B4GALT4: variants seen among roughly 807,000 people sequenced by gnomAD.
B4GALT4 encodes beta-1,4-galactosyltransferase 4.
B4GALT4 carries 27 observed loss-of-function variants against 37.3 expected under a neutral mutation model. The ratio of observed to expected loss-of-function variants is 0.72; its 90% CI spans 0.53 to 1.00. The LOEUF is 1.00. Ranked by LOEUF, B4GALT4 falls within the 50% of genes least tolerant of loss-of-function variation. B4GALT4 has a pLI of 0.00. For synonymous variants in B4GALT4, 148 were observed against 154.1 expected (o/e 0.96, Z 0.29); for missense variants, 372 against 413.1 (o/e 0.90, Z 0.86).
chr3:119,216,440 G>A (rs6798083), intron 6 of B4GALT4, 96 bp from the exon 7 acceptor site: 11,685 of 18,880 alleles, frequency 0.62, 3,090 homozygotes, highest in South Asian at 0.66. Flanking sequence ...ACACACACAC[G>A]CACATACACA....
chr3:119,216,458 ACACACACACACACAGTGT>A, intron 6 of B4GALT4, 114 bp from the exon 7 acceptor site: 3 of 493,104 alleles, frequency 6.1e-6, no homozygotes, highest in South Asian at 4.6e-5. Context: ...ACACACACAC[ACACACACACACACAGTGT>A]CACAAACAGC....
At chr3:119,223,933 ATACAT>A in intron 5 of B4GALT4, 120 bp downstream of exon 5, 1 of 1,034,720 alleles carries the variant, frequency 9.7e-7, no homozygotes, top group East Asian at 2.7e-5. Flanking sequence ...TAAGTGATGC[ATACAT>A]TATGGACCAT....
chr3:119,215,286 C>A (rs879734382), intron 7 of B4GALT4: 1 of 152,190 alleles, frequency 6.6e-6, no homozygotes, highest in South Asian at 2.1e-4. Flanking sequence ...AGTCTTCTGG[C>A]CTTCATCTTT....
chr3:119,230,308 C>G (rs912613423), intron 2 of B4GALT4, 64 bp from the exon 3 acceptor site: 14 of 642,522 alleles, frequency 2.2e-5, no homozygotes, highest in Admixed American at 3.1e-5. Flanking sequence ...GTGATTCACT[C>G]CAGCACAAAC....
rs1559908389 is a variant in B4GALT4, at chr3:119,211,797, T to C, written c.*752A>G. ...GATAGACATATTTATTATTAGTTAA[T>C]ATGTAAACTTGTAAACTGCTAATTC... On this transcript the variant is annotated 3_prime_UTR_variant, in exon 8 of 8. Coordinates refer to ENST00000393765, the MANE Select transcript of B4GALT4 (RefSeq NM_003778.4). 2.7e-5 allele frequency: 6 copies of C among 220,108 alleles called. No individual in the cohort carries two copies. In the East Asian group the frequency reaches 4.8e-4, roughly 18 times the overall value. 13.6% of individuals were successfully genotyped at this position (220,108 alleles called of 1,614,324 possible).
intron 5 of B4GALT4, among the ~76,000 whole-genome samples, chr3:119,220,265 AT>A (rs952174528): frequency 5.3e-5 from 8 of 152,236 alleles, no homozygotes; most frequent in African/African-American, 1.7e-4. Flanking sequence ...ATCAGAATGC[AT>A]TTTATAGAGG....
chr3:119,225,982 T>C (rs530832451), intron 4 of B4GALT4, among the ~76,000 whole-genome samples: 96 of 152,336 alleles, frequency 6.3e-4, no homozygotes, highest in African/African-American at 2.2e-3. Context: ...TCCAAAGTTT[T>C]ATCTAAAAGA....
chr3:119,230,298 G>A (rs7625069), intron 2 of B4GALT4, 54 bp from the exon 3 acceptor site: 462,693 of 699,550 alleles, frequency 0.66, 154,462 homozygotes, highest in African/African-American at 0.86. Flanking sequence ...CTATCCTGAA[G>A]TGATTCACTC....
At chr3:119,239,773 A>C (rs923534173) in intron 1 of B4GALT4, among the ~76,000 whole-genome samples, 2 of 152,166 alleles carry the variant, frequency 1.3e-5, no homozygotes, top group Non-Finnish European at 2.9e-5. Flanking sequence ...CATAAAGAAC[A>C]AACCTGCTCT....
chr3:119,235,869 A>T (rs1446060154), intron 2 of B4GALT4, among the ~76,000 whole-genome samples: 1 of 152,200 alleles, frequency 6.6e-6, no homozygotes, highest in Non-Finnish European at 1.5e-5. Context: ...GTGACTATCC[A>T]CTAGTCTACA....
intron 5 of B4GALT4, among the ~76,000 whole-genome samples, chr3:119,221,249 C>T (rs192661163): frequency 3.3e-5 from 5 of 152,328 alleles, no homozygotes; most frequent in Admixed American, 1.3e-4. Flanking sequence ...CTGGCTGGTC[C>T]AGAGCTTCAT....
chr3:119,235,422 A>G (rs141081490), intron 2 of B4GALT4, among the ~76,000 whole-genome samples: 3 of 152,302 alleles, frequency 2.0e-5, no homozygotes, highest in Admixed American at 1.3e-4. Flanking sequence ...GCATTCCAAC[A>G]TCTCTGAACC....
At chr3:119,225,993 A>G (rs1019512668) in intron 4 of B4GALT4, among the ~76,000 whole-genome samples, 1 of 152,208 alleles carries the variant, frequency 6.6e-6, no homozygotes, top group Non-Finnish European at 1.5e-5. Context: ...ATCTAAAAGA[A>G]ATATTACCTG....
At chr3:119,227,887 T>C (rs1311267577) in intron 3 of B4GALT4, among the ~76,000 whole-genome samples, 1 of 152,168 alleles carries the variant, frequency 6.6e-6, no homozygotes, top group Non-Finnish European at 1.5e-5. Flanking sequence ...ACCCTGGCCA[T>C]GGCTGCTTAG....
chr3:119,211,815 G>T lies in B4GALT4; in HGVS notation c.*734C>A. The T allele has an allele frequency of 3.8e-6, 1 of 261,440 alleles. No homozygotes were observed. The highest frequency in any genetic ancestry group is 4.8e-5 in the Admixed American group (1 of 20,848). The allele number at this position is 261,440 out of a possible 1,614,324, so 16.2% of individuals were successfully genotyped here. On this transcript the variant is annotated 3_prime_UTR_variant, in exon 8 of 8. Coordinates refer to ENST00000393765, the MANE Select transcript of B4GALT4 (RefSeq NM_003778.4). ...TAGTTAATATGTAAACTTGTAAACT[G>T]CTAATTCATATCCTACTTGTACAAA... is the stretch of plus-strand genomic sequence containing the variant.
At chr3:119,232,248 A>G (rs1488566492) in intron 2 of B4GALT4, among the ~76,000 whole-genome samples, 1 of 152,220 alleles carries the variant, frequency 6.6e-6, no homozygotes, top group East Asian at 1.9e-4. Flanking sequence ...GAAAGCAGTA[A>G]TAACAAATAA....
intron 2 of B4GALT4, chr3:119,236,132 T>C (rs1225440375): frequency 6.6e-6 from 1 of 152,308 alleles, no homozygotes; most frequent in East Asian, 1.9e-4. Context: ...AACTTTGTAG[T>C]GGAGAAATCC....
chr3:119,231,158 T>C (rs769821817), intron 2 of B4GALT4, among the ~76,000 whole-genome samples: 4 of 152,180 alleles, frequency 2.6e-5, no homozygotes, highest in Non-Finnish European at 4.4e-5. Context: ...CCACTCTGAT[T>C]TCATACTTCA....
At chr3:119,218,802 A>C (rs1335138891) in intron 5 of B4GALT4, 30 bp from the exon 6 acceptor site, 1 of 1,612,886 alleles carries the variant, frequency 6.2e-7, no homozygotes, top group Non-Finnish European at 8.5e-7. Flanking sequence ...AGAAATGGTA[A>C]GAATATTCGC....
Sources: gnomAD v4.1 joint callset for allele counts (sites outside exome capture counted in the v4.1 genomes callset) on GRCh38, gnomAD v4.1.1 for gene constraint, MANE v1.5 for transcripts, NCBI Gene and HGNC (gene_info 2026-07-23, HGNC 2026-07-21) for gene names.